The following LIAS variants were observed in gnomAD, a reference collection of about 807,000 sequenced individuals.
The protein encoded by LIAS is lipoyl synthase, mitochondrial.
Under a neutral mutation model 49.4 loss-of-function variants are expected in LIAS, and 36 were observed. The ratio of observed to expected loss-of-function variants is 0.73; its 90% CI spans 0.56 to 0.96. The LOEUF (loss-of-function observed/expected upper bound fraction) is 0.96. Among genes scored for constraint, LIAS ranks in the 40% least tolerant of loss-of-function variants. The probability of loss-of-function intolerance (pLI) is 0.00; values close to 1 mark genes in which losing one functional copy is unlikely to be tolerated. For missense variants in LIAS, 399 were observed against 456.3 expected, an observed-to-expected ratio of 0.87 and a Z score of 1.14; for synonymous variants, 145 against 155.8, an observed-to-expected ratio of 0.93 and a Z score of 0.52.
In LIAS at chr4:39,463,243, G is replaced by A. The variant is rs147482529; in HGVS notation, c.313-282G>A. 7.3e-3 allele frequency among the ~76,000 whole-genome samples: 1,103 copies of A among 151,934 alleles called. 8 individuals carry two copies. The highest frequency in any genetic ancestry group is 9.7e-3 in the Non-Finnish European group (660 of 67,950). ...TGGGAGTATAGGTGCACATTACCAC[G>A]CCTGACTAACTTTGATTTTTTGTAG... On this transcript the variant is annotated intron_variant, in intron 3 of 10. Coordinates refer to ENST00000640888, the MANE Select transcript of LIAS (RefSeq NM_006859.4).
chr4:39,462,408 G>A (rs1033690671), intron 3 of LIAS, 119 bp downstream of exon 3: 3 of 339,514 alleles, frequency 8.8e-6, no homozygotes, highest in Non-Finnish European at 1.6e-5. Flanking sequence ...TATGTTAAGT[G>A]ATACATTACT....
At chr4:39,463,453 A>T in intron 3 of LIAS, 72 bp from the exon 4 acceptor site, 1 of 1,429,708 alleles carries the variant, frequency 7.0e-7, no homozygotes, top group Non-Finnish European at 9.3e-7. Flanking sequence ...TAAAATGTCT[A>T]ATCACAGTCA....
In LIAS at chr4:39,469,785, A is replaced by C. The variant is rs111615771; in HGVS notation, c.738-234A>C. ...TCTGGTTTCTCAATGCATAAACTGA[A>C]GTAATTTCTTCCATTCTACTTTTCT... On this transcript the variant is annotated intron_variant, in intron 7 of 10. Coordinates refer to ENST00000640888, the MANE Select transcript of LIAS (RefSeq NM_006859.4). 5,739 of 376,986 alleles carry C rather than the reference A, an allele frequency of 0.015. 156 individuals are homozygous for C. Among genetic ancestry groups the C allele is most frequent in the Non-Finnish European group, 0.014 (2,891 of 211,386 alleles). The allele number at this position is 376,986 out of a possible 1,614,324, so 23.4% of individuals were successfully genotyped here.
At chr4:39,461,600 C>T (rs1013223088) in intron 2 of LIAS, among the ~76,000 whole-genome samples, 1 of 152,186 alleles carries the variant, frequency 6.6e-6, no homozygotes, top group Non-Finnish European at 1.5e-5. Context: ...TATTTGAAAA[C>T]TTGCTCATTC....
rs766866733 is a variant in LIAS at position 39,471,517 on chromosome 4, A to ATT, written c.954+237_954+238dup. ...TCCGGCTAAAATATACATATATATA[A>ATT]TTTTTTTTTTTTTTTTTTTTTTTTT... On this transcript the variant is annotated intron_variant, in intron 9 of 10. Coordinates refer to ENST00000640888, the MANE Select transcript of LIAS (RefSeq NM_006859.4). 0.02 allele frequency among the ~76,000 whole-genome samples: 1,497 copies of ATT among 74,246 alleles called. 260 individuals are homozygous for ATT. Among genetic ancestry groups the ATT allele is most frequent in the African/African-American group, 0.064 (1,309 of 20,606 alleles). The allele number at this position is 74,246 out of a possible 152,430, so 48.7% of individuals were successfully genotyped here. A position where few individuals can be genotyped will look rare whatever the true frequency, so the allele number is the denominator to read the frequency against.
chr4:39,477,276 C>T lies in LIAS; in HGVS notation c.*161C>T. The T allele has an allele frequency of 3.4e-6, 2 of 582,196 alleles. No homozygotes were observed. The highest frequency in any genetic ancestry group is 1.9e-5 in the South Asian group (1 of 51,718). The allele number at this position is 582,196 out of a possible 1,614,324, so 36.1% of individuals were successfully genotyped here. ...AGGCATAGTGGCTCACGCCTGTAAT[C>T]CCAGCACTTTAGGAGGCCAAGGCGG... On this transcript the variant is annotated 3_prime_UTR_variant, in exon 11 of 11. Coordinates refer to ENST00000640888, the MANE Select transcript of LIAS (RefSeq NM_006859.4).
Position 39,477,746 on chromosome 4 carries a change from G to C in LIAS, c.*631G>C, listed in dbSNP as rs1209499285. On this transcript the variant is annotated 3_prime_UTR_variant, in exon 11 of 11. Transcript: ENST00000640888. ...ACCTATAATCCCAACATTTTGGGAG[G>C]CCAGGGCGGGTGGATCACTTGAACC... is the stretch of plus-strand genomic sequence containing the variant. 6.6e-6 allele frequency: 1 copy of C among 152,210 alleles called. No homozygotes were observed. Among genetic ancestry groups the C allele is most frequent in the Non-Finnish European group, 1.5e-5 (1 of 68,154 alleles). 9.4% of individuals were successfully genotyped at this position (152,210 alleles called of 1,614,324 possible).
chr4:39,472,611 G>A (rs1408475638), intron 9 of LIAS, among the ~76,000 whole-genome samples: 1 of 152,092 alleles, frequency 6.6e-6, no homozygotes, highest in Non-Finnish European at 1.5e-5. Flanking sequence ...CAGAGGCGAA[G>A]AAAGAATGGG....
At chr4:39,467,219 A>T (rs1744791345) in intron 6 of LIAS, 1 of 168,996 alleles carries the variant, frequency 5.9e-6, no homozygotes, top group Non-Finnish European at 1.3e-5. Context: ...TCTTGCAATT[A>T]TTTACTTTTT....
chr4:39,460,630 T>A lies in LIAS; in HGVS notation c.46-160T>A, dbSNP rs536252172. On this transcript the variant is annotated intron_variant, in intron 1 of 10. Coordinates refer to ENST00000640888, the MANE Select transcript of LIAS (RefSeq NM_006859.4). ...CTTTTAGGTTTGGTTCCTTCAGTCA[T>A]CTTTTATATTCTAATGCCCTAGAAT... 8.9e-4 allele frequency among the ~76,000 whole-genome samples: 135 copies of A among 152,148 alleles called. 1 individual carries two copies. Among genetic ancestry groups the A allele is most frequent in the Middle Eastern group, 3.4e-3 (1 of 294 alleles).
In LIAS at chr4:39,467,742, T is replaced by C. The variant is rs937402708; in HGVS notation, c.737+96T>C. The C allele has an allele frequency of 4.1e-6, 5 of 1,218,740 alleles. No individual in the cohort carries two copies. In the African/African-American group the frequency reaches 7.7e-5, roughly 19 times the overall value. 75.5% of individuals were successfully genotyped at this position (1,218,740 alleles called of 1,614,324 possible). ...CAGGGCTGAACTTTGCCATTGACTTTTACAAAGTAAACTCTATTCTTTTTT... is the reference window on the plus strand; with the variant it reads ...CAGGGCTGAACTTTGCCATTGACTTCTACAAAGTAAACTCTATTCTTTTTT... On this transcript the variant is annotated intron_variant, in intron 7 of 10. Transcript: ENST00000640888.
chr4:39,472,529 G>T (rs1336350274), intron 9 of LIAS, among the ~76,000 whole-genome samples: 1 of 152,174 alleles, frequency 6.6e-6, no homozygotes. Flanking sequence ...TAGAGAAAAA[G>T]AATTTAAAAG....
Position 39,459,082 on chromosome 4 carries a change from C to T in LIAS, c.-36C>T, listed in dbSNP as rs948689461. 9.9e-6 allele frequency: 16 copies of T among 1,613,166 alleles called. No homozygotes were observed. Among genetic ancestry groups the T allele is most frequent in the Admixed American group, 3.3e-5 (2 of 60,004 alleles). On this transcript the variant is annotated 5_prime_UTR_variant, in exon 1 of 11. Transcript: ENST00000640888. The stretch of plus-strand genomic sequence containing the variant: ...TGTCCTTTCCCGGGAGTTAGCGATC[C>T]CTCAACCCCTGCACTGCGCTAGTCC...
At position 39,459,096 on chromosome 4, in the gene LIAS, C is replaced by T. The variant is rs1351004446; in HGVS notation, c.-22C>T. The T allele has an allele frequency of 6.2e-7, 1 of 1,613,990 alleles. No individual in the cohort carries two copies. The highest frequency in any genetic ancestry group is 8.5e-7 in the Non-Finnish European group (1 of 1,179,954). On this transcript the variant is annotated 5_prime_UTR_variant, in exon 1 of 11. Coordinates refer to ENST00000640888, the MANE Select transcript of LIAS (RefSeq NM_006859.4). ...AGTTAGCGATCCCTCAACCCCTGCA[C>T]TGCGCTAGTCCTAAAGAGGAAATGT...
intron 1 of LIAS, 174 bp downstream of exon 1, chr4:39,459,336 T>C (rs934906647): frequency 2.1e-5 from 13 of 625,316 alleles, no homozygotes; most frequent in African/African-American, 2.0e-4. Context: ...CCCCATGATA[T>C]AGAGTCTCTG....
chr4:39,471,269 T>G lies in LIAS; in HGVS notation c.917T>G (p.Leu306Ter). Residue 306 changes from leucine to a stop codon, truncating the protein, a stop_gained, in exon 9 of 11, where the codon TTA (leucine) becomes TGA (stop). Transcript: ENST00000640888. LOFTEE classifies it high-confidence loss of function. ...LREADVDCLT[L>*]GQYMQPTRRH... ...GAGGCAGATGTAGACTGCTTGACTT[T>G]AGGACAATATATGCAGCCAACAAGG... is the stretch of plus-strand genomic sequence containing the variant. 2 of 1,613,060 alleles carry G rather than the reference T, an allele frequency of 1.2e-6. No homozygotes were observed. The highest frequency in any genetic ancestry group is 1.7e-6 in the Non-Finnish European group (2 of 1,179,480).
chr4:39,462,908 G>T (rs1744583047), intron 3 of LIAS, among the ~76,000 whole-genome samples: 1 of 152,146 alleles, frequency 6.6e-6, no homozygotes, highest in Non-Finnish European at 1.5e-5. Context: ...AATCACTTGA[G>T]CTTGGGAGGT....
intron 7 of LIAS, 78 bp from the exon 8 acceptor site, chr4:39,469,941 G>T: frequency 7.6e-7 from 1 of 1,316,236 alleles, no homozygotes; most frequent in Non-Finnish European, 1.1e-6. Flanking sequence ...TACTTCTCTG[G>T]TCTTTCAGGT....
At chr4:39,460,215 G>A (rs1477907986) in intron 1 of LIAS, among the ~76,000 whole-genome samples, 1 of 152,186 alleles carries the variant, frequency 6.6e-6, no homozygotes, top group Non-Finnish European at 1.5e-5. Flanking sequence ...TGGAGTACAT[G>A]AAAGTGTGAT....
Sources: gnomAD v4.1 joint callset for allele counts (sites outside exome capture counted in the v4.1 genomes callset) on GRCh38, gnomAD v4.1.1 for gene constraint, MANE v1.5 for transcripts, NCBI Gene and HGNC (gene_info 2026-07-23, HGNC 2026-07-21) for gene names.